SMG6: variants seen among roughly 807,000 people sequenced by gnomAD.
The protein encoded by SMG6 is SMG6 nonsense mediated mRNA decay factor.
SMG6 carries 66 observed loss-of-function variants against 142.2 expected under a neutral mutation model. That is an observed-to-expected ratio of 0.46 (90% confidence interval 0.38 to 0.57). The LOEUF is 0.57. Among genes scored for constraint, SMG6 ranks in the 20% least tolerant of loss-of-function variants. The probability of loss-of-function intolerance (pLI) is 0.00; values close to 1 mark genes in which losing one functional copy is unlikely to be tolerated. For missense variants in SMG6, 1,793 were observed against 1,832.0 expected (o/e 0.98, Z 0.39); for synonymous variants, 779 against 702.4 (o/e 1.11, Z -1.72).
At chr17:2,150,182 G>A (rs910471615) in intron 13 of SMG6, among the ~76,000 whole-genome samples, 11 of 152,214 alleles carry the variant, frequency 7.2e-5, no homozygotes, top group Admixed American at 7.2e-4. Context: ...CAGGAGTGGA[G>A]CGCGAACCCT....
At chr17:2,138,401 A>C (rs753179070) in intron 13 of SMG6, among the ~76,000 whole-genome samples, 1 of 152,240 alleles carries the variant, frequency 6.6e-6, no homozygotes, top group Non-Finnish European at 1.5e-5. Flanking sequence ...CTCAGCTGCC[A>C]CTAACCAGAA....
chr17:2,202,094 G>T (rs1242694150), intron 10 of SMG6, among the ~76,000 whole-genome samples: 1 of 152,130 alleles, frequency 6.6e-6, no homozygotes, highest in East Asian at 1.9e-4. Context: ...CCCTAAAAAT[G>T]AAAGCATACA....
intron 8 of SMG6, among the ~76,000 whole-genome samples, chr17:2,259,928 GCCATAAA>G (rs2074275925): frequency 1.3e-5 from 2 of 152,132 alleles, no homozygotes; most frequent in African/African-American, 2.4e-5. Flanking sequence ...GTGGTTATTT[GCCATAAA>G]GCAAATAACC....
At chr17:2,303,078 G>T in intron 1 of SMG6, 1 of 985,392 alleles carries the variant, frequency 1.0e-6, no homozygotes, top group African/African-American at 1.7e-5. Flanking sequence ...AATAAAAACT[G>T]CTCCCACACA....
intron 13 of SMG6, among the ~76,000 whole-genome samples, chr17:2,111,820 C>T (rs987378907): frequency 1.3e-5 from 2 of 152,172 alleles, no homozygotes; most frequent in African/African-American, 4.8e-5. Flanking sequence ...GCTTTTCCAG[C>T]TCAGCCTGGT....
In SMG6 at chr17:2,300,342, T is replaced by C. The variant is rs2075252018; in HGVS notation, c.411A>G (p.Arg137=). The change falls in exon 2 of 19, where the codon AGA becomes AGG. Residue 137 remains arginine (R), a synonymous_variant. Transcript: ENST00000263073. ...QEDRSLKIIK[R]TKKPDLQIYQ... ...AGATCTGCAGGTCGGGTTTCTTTGTTCTTTTGATAATTTTTAGACTACGAT... is the reference window on the plus strand; with the variant it reads ...AGATCTGCAGGTCGGGTTTCTTTGTCCTTTTGATAATTTTTAGACTACGAT... The C allele has an allele frequency of 1.2e-6, 2 of 1,613,786 alleles. No individual in the cohort carries two copies. The highest frequency in any genetic ancestry group is 1.7e-6 in the Non-Finnish European group (2 of 1,180,044).
At chr17:2,293,115 C>T (rs1181528580) in intron 4 of SMG6, 138 bp from the exon 5 acceptor site, 1 of 628,094 alleles carries the variant, frequency 1.6e-6, no homozygotes, top group African/African-American at 1.8e-5. Context: ...AGTTTTTAGC[C>T]TAAACCTGAC....
chr17:2,251,489 G>T (rs868486785), intron 8 of SMG6, among the ~76,000 whole-genome samples: 1 of 152,090 alleles, frequency 6.6e-6, no homozygotes, highest in African/African-American at 2.4e-5. Flanking sequence ...TTAAACATAA[G>T]TTCCTGTACA....
intron 8 of SMG6, among the ~76,000 whole-genome samples, chr17:2,249,455 G>C (rs1316139576): frequency 6.6e-6 from 1 of 152,014 alleles, no homozygotes; most frequent in African/African-American, 2.4e-5. Flanking sequence ...CCAATGTGCA[G>C]GGCTAATTTA....
intron 13 of SMG6, chr17:2,087,779 C>T (rs930953335): frequency 3.0e-5 from 30 of 985,770 alleles, no homozygotes; most frequent in Admixed American, 1.2e-4. Flanking sequence ...GCAGGCAGCA[C>T]GCACAGTGGC....
chr17:2,303,470 CGA>C (rs1227950764), intron 1 of SMG6, 161 bp downstream of exon 1: 11 of 1,319,696 alleles, frequency 8.3e-6, no homozygotes, highest in Non-Finnish European at 1.1e-5. Flanking sequence ...CACTAACCCG[CGA>C]GAGAGGTAGG....
At chr17:2,240,732 T>C (rs112578121) in intron 9 of SMG6, among the ~76,000 whole-genome samples, 4 of 152,238 alleles carry the variant, frequency 2.6e-5, no homozygotes, top group African/African-American at 9.6e-5. Context: ...TAGTAGGCAT[T>C]CGAGTCTCTG....
intron 13 of SMG6, chr17:2,127,728 T>C: frequency 1.8e-6 from 1 of 563,072 alleles, no homozygotes; most frequent in South Asian, 1.4e-5. Flanking sequence ...CATCCATTAC[T>C]TGTTTTAACT....
intron 2 of SMG6, among the ~76,000 whole-genome samples, chr17:2,298,441 C>T (rs216198): frequency 0.55 from 83,222 of 152,010 alleles, 23,898 homozygotes; most frequent in East Asian, 0.69. Flanking sequence ...GAAATAGGGC[C>T]GGGCGCGGTG....
intron 8 of SMG6, among the ~76,000 whole-genome samples, chr17:2,276,395 T>C (rs1296403675): frequency 1.3e-5 from 2 of 151,710 alleles, no homozygotes; most frequent in African/African-American, 4.8e-5. Context: ...CAGCAAACGT[T>C]TTTTTTTTGT....
chr17:2,093,689 A>C (rs905830785), intron 13 of SMG6, among the ~76,000 whole-genome samples: 5 of 152,176 alleles, frequency 3.3e-5, no homozygotes, highest in Non-Finnish European at 7.4e-5. Context: ...CTGCAAAAAA[A>C]ATTTTTTTTA....
At chr17:2,173,857 T>G (rs540379387) in intron 12 of SMG6, among the ~76,000 whole-genome samples, 67 of 143,576 alleles carry the variant, frequency 4.7e-4, no homozygotes, top group South Asian at 6.8e-4. Flanking sequence ...TTTTTTTTTT[T>G]TTTTTTTTTT....
At chr17:2,080,582 C>T (rs1035035075) in intron 15 of SMG6, among the ~76,000 whole-genome samples, 6 of 152,066 alleles carry the variant, frequency 3.9e-5, no homozygotes, top group Admixed American at 1.3e-4. Flanking sequence ...TACACTGTCT[C>T]GTGTAGGCCT....
intron 9 of SMG6, among the ~76,000 whole-genome samples, chr17:2,243,464 T>A (rs576827907): frequency 6.6e-6 from 1 of 152,252 alleles, no homozygotes; most frequent in Admixed American, 6.5e-5. Context: ...GTGGATCACA[T>A]GAGGTCAGGA....
Sources: gnomAD v4.1 joint callset for allele counts (sites outside exome capture counted in the v4.1 genomes callset) on GRCh38, gnomAD v4.1.1 for gene constraint, MANE v1.5 for transcripts, NCBI Gene and HGNC (gene_info 2026-07-23, HGNC 2026-07-21) for gene names.